Variants in ZNF778 observed in about 807,000 individuals in gnomAD.
ZNF778 encodes zinc finger protein 778.
ZNF778 carries 37 observed loss-of-function variants against 23.9 expected under a neutral mutation model. The ratio of observed to expected loss-of-function variants is 1.54; its 90% CI spans 1.19 to 2.03. The LOEUF (loss-of-function observed/expected upper bound fraction) is 2.03, where lower values mean the gene tolerates loss of function less well. Ranked by LOEUF, ZNF778 falls within the 30% of genes most tolerant of loss-of-function variation. The pLI is 0.00. For synonymous variants in ZNF778, 483 were observed against 343.9 expected, an observed-to-expected ratio of 1.40 and a Z score of -4.48; for missense variants, 1,297 against 934.4, an observed-to-expected ratio of 1.39 and a Z score of -5.06.
intron 3 of ZNF778, among the ~76,000 whole-genome samples, chr16:89,222,675 CATT>C (rs2031072679): frequency 6.6e-6 from 1 of 152,198 alleles, no homozygotes; most frequent in Non-Finnish European, 1.5e-5. Flanking sequence ...CAACATTACT[CATT>C]ATTTTCACCC....
In ZNF778 at chr16:89,227,767, T is replaced by A; in HGVS notation, c.1479T>A (p.Thr493=). 1.2e-6 allele frequency: 2 copies of A among 1,613,108 alleles called. No homozygotes were observed. The highest frequency in any genetic ancestry group is 8.5e-7 in the Non-Finnish European group (1 of 1,179,206). Residue 493 remains threonine (T), a synonymous_variant, in exon 7 of 7, where the codon ACT becomes ACA. Transcript: ENST00000433976. The part of the protein sequence containing the change: ...GKSFTVSSSL[T]EHARIHTGEK... ...CCTTCACTGTTTCTTCAAGCCTGAC[T>A]GAGCACGCGAGAATCCATACCGGAG...
At position 89,232,650 on chromosome 16, in the gene ZNF778, T is replaced by A. The variant is rs1428615943; in HGVS notation, c.*4088T>A. 11 of 1,203,480 alleles carry A rather than the reference T, an allele frequency of 9.1e-6. No homozygotes were observed. The highest frequency in any genetic ancestry group is 5.8e-5 in the East Asian group (1 of 17,358). 74.6% of individuals were successfully genotyped at this position (1,203,480 alleles called of 1,614,324 possible). A position where few individuals can be genotyped will look rare whatever the true frequency, so the allele number is the denominator to read the frequency against. The stretch of plus-strand genomic sequence containing the variant: ...CCAATTGTATTAATTATGTTTTTTT[T>A]TTTTTTGTTAGGGTACATTTTCATC... On this transcript the variant is annotated 3_prime_UTR_variant, in exon 7 of 7. Transcript: ENST00000433976.
chr16:89,225,781 A>G (rs189923452), intron 6 of ZNF778, 150 bp downstream of exon 6: 1 of 698,830 alleles, frequency 1.4e-6, no homozygotes, highest in East Asian at 2.9e-5. Context: ...AATGTGCGGA[A>G]TTTGGGAGGA....
chr16:89,217,774 C>T lies in ZNF778; in HGVS notation c.-268C>T, dbSNP rs541970153. On this transcript the variant is annotated 5_prime_UTR_variant, in exon 1 of 7. Coordinates refer to ENST00000433976, the MANE Select transcript of ZNF778 (RefSeq NM_001201407.2). The stretch of plus-strand genomic sequence containing the variant: ...GGAGAGTTCCGCGCGTGTCCTCGGG[C>T]TGTCCGCGGGGAAGCTGGTCCGGGA... The T allele has an allele frequency of 2.0e-5, 3 of 152,326 alleles. No homozygotes were observed. The South Asian group carries it at 6.2e-4, about 32-fold the overall frequency. The allele number at this position is 152,326 out of a possible 1,614,324, so 9.4% of individuals were successfully genotyped here. A position where few individuals can be genotyped will look rare whatever the true frequency, so the allele number is the denominator to read the frequency against.
intron 3 of ZNF778, among the ~76,000 whole-genome samples, 181 bp downstream of exon 3, chr16:89,222,364 G>T (rs2031041119): frequency 6.6e-6 from 1 of 152,064 alleles, no homozygotes; most frequent in African/African-American, 2.4e-5. Context: ...CCGTATTTCA[G>T]TGTTACTTTT....
chr16:89,227,155 C>G lies in ZNF778; in HGVS notation c.867C>G (p.Ala289=), dbSNP rs1366269147. Residue 289 remains alanine, a synonymous_variant, in exon 7 of 7, where the codon GCC becomes GCG. Coordinates refer to ENST00000433976, the MANE Select transcript of ZNF778 (RefSeq NM_001201407.2). ...NPHVCRECGK[A]FRYTAYLTGR... is the part of the protein sequence containing the mutation. ...ACGTATGTAGGGAATGTGGGAAGGC[C>G]TTTAGGTACACTGCCTACCTTACTG... is the stretch of plus-strand genomic sequence containing the variant. 6.2e-7 allele frequency: 1 copy of G among 1,613,874 alleles called. No individual in the cohort carries two copies. Among genetic ancestry groups the G allele is most frequent in the African/African-American group, 1.3e-5 (1 of 74,916 alleles).
At position 89,224,907 on chromosome 16, in the gene ZNF778, C is replaced by A. The variant is rs947126907; in HGVS notation, c.328+105C>A. On this transcript the variant is annotated intron_variant, in intron 5 of 6. Coordinates refer to ENST00000433976, the MANE Select transcript of ZNF778 (RefSeq NM_001201407.2). Reference sequence around the variant, plus strand: ...GGAAGGATTGTGTCAAGTTAAGCGGCTGTGGGAGGATCCTGAGTGTCGAGT... The same window carrying A: ...GGAAGGATTGTGTCAAGTTAAGCGGATGTGGGAGGATCCTGAGTGTCGAGT... 3.8e-6 allele frequency: 3 copies of A among 792,450 alleles called. No homozygotes were observed. The East Asian group carries it at 8.3e-5, about 22-fold the overall frequency. The allele number at this position is 792,450 out of a possible 1,614,324, so 49.1% of individuals were successfully genotyped here. A position where few individuals can be genotyped will look rare whatever the true frequency, so the allele number is the denominator to read the frequency against.
chr16:89,219,388 G>A (rs972717084), intron 1 of ZNF778, among the ~76,000 whole-genome samples: 2 of 152,210 alleles, frequency 1.3e-5, no homozygotes, highest in African/African-American at 4.8e-5. Flanking sequence ...TCAGAGGAGA[G>A]GTTGGCAAAG....
rs2032168163 is a variant in ZNF778 at position 89,234,183 on chromosome 16, G to GTC, written c.*5623_*5624dup. On this transcript the variant is annotated 3_prime_UTR_variant, in exon 7 of 7. Coordinates refer to ENST00000433976, the MANE Select transcript of ZNF778 (RefSeq NM_001201407.2). ...CACTCACTCACCTTGACGAGTCCGC[G>GTC]TCTAGGCCCCACCAGTGGTGTGGTT... The GTC allele has an allele frequency of 2.6e-6, 1 of 388,972 alleles. No homozygotes were observed. Among genetic ancestry groups the GTC allele is most frequent in the South Asian group, 1.9e-5 (1 of 52,466 alleles). 24.1% of individuals were successfully genotyped at this position (388,972 alleles called of 1,614,324 possible).
Position 89,226,668 on chromosome 16 carries a change from G to C in ZNF778, c.406-26G>C, listed in dbSNP as rs1013878480. ...TATGAATCAGCCTCAGTAACCCCCT[G>C]ACCACCACTCATTCTTCACCAACAG... On this transcript the variant is annotated intron_variant, in intron 6 of 6. Transcript: ENST00000433976. 6 of 1,586,804 alleles carry C rather than the reference G, an allele frequency of 3.8e-6. No individual in the cohort carries two copies. The African/African-American group carries it at 8.1e-5, about 21-fold the overall frequency.
chr16:89,224,535 C>T (rs920012374), intron 4 of ZNF778, 184 bp from the exon 5 acceptor site: 2 of 505,916 alleles, frequency 4.0e-6, no homozygotes, highest in Admixed American at 3.0e-5. Context: ...AAGAGAATCA[C>T]TTGAACCCAG....
Position 89,221,199 on chromosome 16 carries a change from G to A in ZNF778, c.25+47G>A, listed in dbSNP as rs569380157. The A allele has an allele frequency of 6.2e-5, 90 of 1,445,302 alleles. No homozygotes were observed. The East Asian group carries it at 1.9e-3, about 30-fold the overall frequency. The allele number at this position is 1,445,302 out of a possible 1,614,324, so 89.5% of individuals were successfully genotyped here. A position where few individuals can be genotyped will look rare whatever the true frequency, so the allele number is the denominator to read the frequency against. ...TCTCAGAGCCTCTGCTCTAGGTCCT[G>A]ATACACAGTGTGTGTATCAGGCCCA... On this transcript the variant is annotated intron_variant, in intron 2 of 6. Coordinates refer to ENST00000433976, the MANE Select transcript of ZNF778 (RefSeq NM_001201407.2).
chr16:89,234,438 G>A lies in ZNF778; in HGVS notation c.*5876G>A. On this transcript the variant is annotated 3_prime_UTR_variant, in exon 7 of 7. Coordinates refer to ENST00000433976, the MANE Select transcript of ZNF778 (RefSeq NM_001201407.2). ...TCTTCATTACTGATAGTATGAACAT[G>A]GTTTTGCTTACGCTGGCTATTTTCC... 5.1e-6 allele frequency: 1 copy of A among 194,586 alleles called. No homozygotes were observed. The highest frequency in any genetic ancestry group is 1.1e-5 in the Non-Finnish European group (1 of 92,668). The allele number at this position is 194,586 out of a possible 1,614,324, so 12.1% of individuals were successfully genotyped here.
rs949690982 is a variant in ZNF778 at position 89,233,520 on chromosome 16, C to A, written c.*4958C>A. ...AACTCAGCTTGCTCTGTGTATGCAA[C>A]TCAACTCGCACTGCGTATGCAAATC... On this transcript the variant is annotated 3_prime_UTR_variant, in exon 7 of 7. Coordinates refer to ENST00000433976, the MANE Select transcript of ZNF778 (RefSeq NM_001201407.2). 6.2e-6 allele frequency: 8 copies of A among 1,285,980 alleles called. No individual in the cohort carries two copies. The highest frequency in any genetic ancestry group is 2.3e-5 in the Admixed American group (1 of 43,300). The allele number at this position is 1,285,980 out of a possible 1,614,324, so 79.7% of individuals were successfully genotyped here.
rs776291190 is a variant in ZNF778, at chr16:89,226,735, G to A, written c.447G>A (p.Gln149=). The change falls in exon 7 of 7, where the codon CAG becomes CAA. Residue 149 remains glutamine, a synonymous_variant. Transcript: ENST00000433976. ...HNGGQLCDRT[Q]CGEAFSEHSG... ...GAGGGCAGCTCTGTGACCGCACGCAGTGTGGAGAAGCTTTCAGTGAACACT... is the reference window on the plus strand; with the variant it reads ...GAGGGCAGCTCTGTGACCGCACGCAATGTGGAGAAGCTTTCAGTGAACACT... The A allele has an allele frequency of 5.0e-6, 8 of 1,613,860 alleles. No individual in the cohort carries two copies. Among genetic ancestry groups the A allele is most frequent in the Non-Finnish European group, 5.1e-6 (6 of 1,179,804 alleles).
chr16:89,233,946 C>T lies in ZNF778; in HGVS notation c.*5384C>T. 6 of 1,284,842 alleles carry T rather than the reference C, an allele frequency of 4.7e-6. No individual in the cohort carries two copies. The highest frequency in any genetic ancestry group is 6.1e-6 in the Non-Finnish European group (6 of 984,694). 79.6% of individuals were successfully genotyped at this position (1,284,842 alleles called of 1,614,324 possible). On this transcript the variant is annotated 3_prime_UTR_variant, in exon 7 of 7. Coordinates refer to ENST00000433976, the MANE Select transcript of ZNF778 (RefSeq NM_001201407.2). Reference sequence around the variant, plus strand: ...GCAGGACATGCTGTATGCCCTTGGGCCTGCTGGAAGTATGCAGACTAGCCA... The same window carrying T: ...GCAGGACATGCTGTATGCCCTTGGGTCTGCTGGAAGTATGCAGACTAGCCA...
rs199878884 is a variant in ZNF778 at position 89,228,485 on chromosome 16, G to C, written c.2197G>C (p.Asp733His). 7.3e-4 allele frequency: 1,175 copies of C among 1,610,808 alleles called. 1 individual carries two copies. Among genetic ancestry groups the C allele is most frequent in the Non-Finnish European group, 9.6e-4 (1,127 of 1,179,122 alleles). The change falls in exon 7 of 7, where the codon GAC becomes CAC. Residue 733 changes from aspartate to histidine, a missense_variant. Asp to His is a moderately conservative substitution (Grantham distance 81, BLOSUM62 -1). Transcript: ENST00000433976. ...TGAAGAGCAGGTTTTTGTATGTAAG[G>C]ACTGTGGAAAATCTTTTAAGAATTC... ...YTEEQVFVCK[D>H]CGKSFKNSSC...
rs2032197214 is a variant in ZNF778 at position 89,234,972 on chromosome 16, CT to C, written c.*6413del. The C allele has an allele frequency of 6.6e-6, 1 of 152,108 alleles. No homozygotes were observed. Among genetic ancestry groups the C allele is most frequent in the Non-Finnish European group, 1.5e-5 (1 of 68,026 alleles). 9.4% of individuals were successfully genotyped at this position (152,108 alleles called of 1,614,324 possible). A position where few individuals can be genotyped will look rare whatever the true frequency, so the allele number is the denominator to read the frequency against. On this transcript the variant is annotated 3_prime_UTR_variant, in exon 7 of 7. Coordinates refer to ENST00000433976, the MANE Select transcript of ZNF778 (RefSeq NM_001201407.2). ...CATACTCAAATTTATACAACCTTTC[CT>C]TTATCTTCATCAGAAATTTCTTTTC...
At position 89,222,137 on chromosome 16, in the gene ZNF778, C is replaced by T. The variant is rs752672572; in HGVS notation, c.71C>T (p.Thr24Ile). 3 of 1,606,724 alleles carry T rather than the reference C, an allele frequency of 1.9e-6. No individual in the cohort carries two copies. The highest frequency in any genetic ancestry group is 2.2e-5 in the South Asian group (2 of 90,314). Reference sequence around the variant, plus strand: ...TCAGTCTGCCTTCATGAAGAACAGACACAGGCAGCAGGGATGGTGGCTGGC... The same window carrying T: ...TCAGTCTGCCTTCATGAAGAACAGATACAGGCAGCAGGGATGGTGGCTGGC... ...RDSVCLHEEQ[T>I]QAAGMVAGWL... The change falls in exon 3 of 7, where the codon ACA becomes ATA. Residue 24 changes from threonine (T) to isoleucine (I), a missense_variant. Physicochemically the swap from Thr to Ile is moderately conservative, Grantham distance 89. Transcript: ENST00000433976.
Sources: allele counts gnomAD v4.1 joint callset (sites outside exome capture counted in the v4.1 genomes callset), GRCh38; gene constraint gnomAD v4.1.1; transcripts MANE v1.5; gene names NCBI Gene and HGNC (gene_info 2026-07-23, HGNC 2026-07-21).